Variants in FAM135B observed in about 807,000 individuals in gnomAD.
FAM135B encodes protein FAM135B.
In FAM135B, 43 loss-of-function variants were observed where a neutral mutation model predicts 127.7. That is an observed-to-expected ratio of 0.34 (90% confidence interval 0.26 to 0.43). The LOEUF is 0.43. Ranked by LOEUF, FAM135B falls within the 20% of genes least tolerant of loss-of-function variation. The pLI is 1.00. For missense variants in FAM135B, 1,558 were observed against 1,725.6 expected (o/e 0.90, Z 1.72); for synonymous variants, 670 against 665.1 (o/e 1.01, Z -0.11).
At chr8:138,413,076 T>G (rs545673598) in intron 1 of FAM135B, among the ~76,000 whole-genome samples, 2 of 152,352 alleles carry the variant, frequency 1.3e-5, no homozygotes, top group South Asian at 4.1e-4. Flanking sequence ...ATTTGAAAGT[T>G]TTATAATTCC....
intron 1 of FAM135B, among the ~76,000 whole-genome samples, chr8:138,475,102 ATCCT>A (rs1814340388): frequency 2.2e-4 from 5 of 22,404 alleles, no homozygotes; most frequent in Non-Finnish European, 3.5e-4. Flanking sequence ...TTGAAAGTAT[ATCCT>A]TAGCTTATAT....
chr8:138,266,517 A>G (rs1408908054), intron 3 of FAM135B, among the ~76,000 whole-genome samples: 2 of 152,002 alleles, frequency 1.3e-5, no homozygotes, highest in Non-Finnish European at 2.9e-5. Flanking sequence ...GGGGGAACAA[A>G]TGGGTGAACT....
chr8:138,368,102 C>G, intron 1 of FAM135B, 100 bp from the exon 2 acceptor site: 1 of 777,540 alleles, frequency 1.3e-6, no homozygotes, highest in South Asian at 1.5e-5. Context: ...ACAGGACCAA[C>G]AGGAGTAGCG....
At chr8:138,258,022 T>C (rs1320615785) in intron 4 of FAM135B, among the ~76,000 whole-genome samples, 1 of 152,200 alleles carries the variant, frequency 6.6e-6, no homozygotes, top group Non-Finnish European at 1.5e-5. Flanking sequence ...CAGTATTCAC[T>C]GACACGCATT....
At chr8:138,476,018 T>A (rs529903549) in intron 1 of FAM135B, among the ~76,000 whole-genome samples, 7 of 152,132 alleles carry the variant, frequency 4.6e-5, no homozygotes, top group Admixed American at 3.3e-4. Flanking sequence ...GATGATGAAA[T>A]GTTATTCAGC....
intron 1 of FAM135B, among the ~76,000 whole-genome samples, chr8:138,456,045 T>G (rs1166974500): frequency 6.6e-6 from 1 of 152,166 alleles, no homozygotes; most frequent in African/African-American, 2.4e-5. Context: ...GAGGACCAAA[T>G]GTAATGTCAG....
intron 11 of FAM135B, among the ~76,000 whole-genome samples, chr8:138,172,589 T>G (rs957042250): frequency 7.2e-5 from 11 of 152,236 alleles, no homozygotes; most frequent in African/African-American, 2.7e-4. Context: ...GCAAATTTAT[T>G]TATTGTCTTC....
intron 7 of FAM135B, among the ~76,000 whole-genome samples, chr8:138,216,887 G>T (rs923137022): frequency 9.9e-5 from 15 of 152,174 alleles, no homozygotes; most frequent in Non-Finnish European, 2.2e-4. Context: ...CGAGGCATGA[G>T]GACACATAAT....
chr8:138,291,969 G>A (rs1825145858), intron 3 of FAM135B, among the ~76,000 whole-genome samples: 1 of 152,126 alleles, frequency 6.6e-6, no homozygotes, highest in Admixed American at 6.5e-5. Flanking sequence ...TTTAAAGGAA[G>A]AGGTAAAGTT....
At chr8:138,170,217 CTTTT>C (rs141401317) in intron 11 of FAM135B, among the ~76,000 whole-genome samples, 14 of 112,016 alleles carry the variant, frequency 1.2e-4, no homozygotes, top group African/African-American at 1.7e-4. Flanking sequence ...CTGTTACTAT[CTTTT>C]TTTTTTTTTT....
intron 1 of FAM135B, among the ~76,000 whole-genome samples, chr8:138,456,119 G>T (rs1164512620): frequency 6.6e-6 from 1 of 152,168 alleles, no homozygotes; most frequent in Non-Finnish European, 1.5e-5. Flanking sequence ...ACATATCACT[G>T]GCAGCCCACA....
chr8:138,418,099 A>G (rs529922000), intron 1 of FAM135B, among the ~76,000 whole-genome samples: 2 of 152,292 alleles, frequency 1.3e-5, no homozygotes, highest in South Asian at 4.1e-4. Flanking sequence ...TATTTTAAGA[A>G]AGAACAAAAG....
At chr8:138,483,133 T>C (rs1400792590) in intron 1 of FAM135B, among the ~76,000 whole-genome samples, 1 of 152,196 alleles carries the variant, frequency 6.6e-6, no homozygotes, top group East Asian at 1.9e-4. Flanking sequence ...TGGACTTAAA[T>C]CAATGCTTAA....
intron 9 of FAM135B, among the ~76,000 whole-genome samples, chr8:138,183,178 C>T (rs569299000): frequency 9.8e-5 from 15 of 152,354 alleles, no homozygotes; most frequent in African/African-American, 2.6e-4. Context: ...TTACAAGGCA[C>T]TGTGTGCCAA....
chr8:138,380,175 T>C (rs1236235923), intron 1 of FAM135B, among the ~76,000 whole-genome samples: 1 of 151,950 alleles, frequency 6.6e-6, no homozygotes, highest in Middle Eastern at 3.2e-3. Flanking sequence ...GTTTCTTTCT[T>C]TTTTTCTTTT....
chr8:138,440,304 T>C (rs1835686549), intron 1 of FAM135B: 1 of 152,066 alleles, frequency 6.6e-6, no homozygotes, highest in Admixed American at 6.6e-5. Context: ...ATTTCTGGGG[T>C]TACTTTCAAC....
chr8:138,161,451 A>C, intron 12 of FAM135B, among the ~76,000 whole-genome samples: 1 of 152,162 alleles, frequency 6.6e-6, no homozygotes, highest in East Asian at 1.9e-4. Flanking sequence ...CATGGCTGTC[A>C]TGAAATAGTC....
intron 7 of FAM135B, among the ~76,000 whole-genome samples, chr8:138,210,438 A>G (rs1818050281): frequency 6.6e-6 from 1 of 152,082 alleles, no homozygotes; most frequent in Admixed American, 6.6e-5. Flanking sequence ...GTAATTTATG[A>G]AGAAAAGAGG....
At chr8:138,190,322 G>T (rs964057134) in intron 9 of FAM135B, among the ~76,000 whole-genome samples, 4 of 152,134 alleles carry the variant, frequency 2.6e-5, no homozygotes, top group African/African-American at 9.7e-5. Flanking sequence ...GCACTAGTCA[G>T]GCCATGATAG....
Sources: allele counts gnomAD v4.1 joint callset (sites outside exome capture counted in the v4.1 genomes callset), GRCh38; gene constraint gnomAD v4.1.1; transcripts MANE v1.5; gene names NCBI Gene and HGNC (gene_info 2026-07-23, HGNC 2026-07-21).